FSTL4: variants seen among roughly 807,000 people sequenced by gnomAD.
FSTL4 encodes follistatin-related protein 4.
A neutral mutation model predicts 78.2 loss-of-function variants in FSTL4; 28 were observed. The observed-to-expected ratio is 0.36, with a 90% CI of 0.27 to 0.49. FSTL4 has a LOEUF of 0.49. Among genes scored for constraint, FSTL4 ranks in the 20% least tolerant of loss-of-function variants. The pLI, the probability that FSTL4 is intolerant of heterozygous loss-of-function variation, is 0.98. For synonymous variants in FSTL4, 422 were observed against 440.5 expected (o/e 0.96, Z 0.53); for missense variants, 922 against 1,084.9 (o/e 0.85, Z 2.11).
intron 3 of FSTL4, among the ~76,000 whole-genome samples, chr5:133,535,394 G>A (rs533239969): frequency 2.0e-4 from 30 of 152,352 alleles, no homozygotes; most frequent in Admixed American, 8.5e-4. Context: ...CACCTGGCCC[G>A]CCCAGGGCGG....
chr5:133,246,337 A>G (rs1392416171), intron 7 of FSTL4, among the ~76,000 whole-genome samples: 1 of 152,208 alleles, frequency 6.6e-6, no homozygotes, highest in East Asian at 1.9e-4. Context: ...TCTTGCTTCA[A>G]AAATGCAAGT....
At chr5:133,818,473 C>T in the FSTL4 span, among the ~76,000 whole-genome samples, 1 of 152,318 alleles carries the variant, frequency 6.6e-6, no homozygotes, top group South Asian at 2.1e-4. Context: ...CCGGCTGTGT[C>T]ACTGGGGAAC....
chr5:133,376,370 T>C (rs756594133), intron 4 of FSTL4, among the ~76,000 whole-genome samples: 77 of 152,310 alleles, frequency 5.1e-4, no homozygotes, highest in Admixed American at 6.5e-4. Flanking sequence ...TTGGAATTCA[T>C]GTGAAAAATA....
intron 4 of FSTL4, among the ~76,000 whole-genome samples, chr5:133,353,810 G>C (rs1433055734): frequency 6.6e-6 from 1 of 152,232 alleles, no homozygotes; most frequent in Non-Finnish European, 1.5e-5. Context: ...TTCACCACGG[G>C]CCTCTGGGTT....
chr5:133,544,959 T>G, intron 3 of FSTL4, among the ~76,000 whole-genome samples: 1 of 152,212 alleles, frequency 6.6e-6, no homozygotes, highest in East Asian at 1.9e-4. Flanking sequence ...GGAGACCCAG[T>G]GGTATAATAA....
the FSTL4 span, among the ~76,000 whole-genome samples, chr5:133,643,669 G>T: frequency 6.6e-6 from 1 of 152,192 alleles, no homozygotes; most frequent in Non-Finnish European, 1.5e-5. Flanking sequence ...TGCATAAGCA[G>T]ACAATAAACA....
At chr5:133,432,514 A>G (rs1375331242) in intron 3 of FSTL4, among the ~76,000 whole-genome samples, 3 of 152,208 alleles carry the variant, frequency 2.0e-5, no homozygotes, top group Non-Finnish European at 4.4e-5. Flanking sequence ...TAAGAGTTCG[A>G]GCTGCTATGA....
chr5:133,423,665 G>A (rs1273878934), intron 3 of FSTL4, among the ~76,000 whole-genome samples: 2 of 152,172 alleles, frequency 1.3e-5, no homozygotes, highest in African/African-American at 4.8e-5. Context: ...GTGACGGCAG[G>A]GATGGTGGTG....
intron 4 of FSTL4, among the ~76,000 whole-genome samples, chr5:133,327,224 C>T (rs771783788): frequency 1.3e-4 from 20 of 152,178 alleles, no homozygotes; most frequent in Admixed American, 7.9e-4. Flanking sequence ...GCTGAGGAAA[C>T]GCAACGGTAT....
chr5:133,389,519 CT>C (rs1755788051), intron 4 of FSTL4, among the ~76,000 whole-genome samples: 1 of 152,206 alleles, frequency 6.6e-6, no homozygotes. Flanking sequence ...TCTGACACCC[CT>C]GCCCCTACCC....
intron 4 of FSTL4, among the ~76,000 whole-genome samples, chr5:133,397,564 G>A (rs1454342894): frequency 2.6e-5 from 4 of 152,242 alleles, no homozygotes; most frequent in African/African-American, 7.2e-5. Context: ...TTGTAAATGG[G>A]TTTAGAATGC....
intron 4 of FSTL4, among the ~76,000 whole-genome samples, chr5:133,389,739 G>A (rs896673481): frequency 6.6e-6 from 1 of 152,162 alleles, no homozygotes; most frequent in African/African-American, 2.4e-5. Flanking sequence ...TCTCAGCTAT[G>A]AGGACTCATG....
intron 14 of FSTL4, among the ~76,000 whole-genome samples, chr5:133,202,901 G>C (rs1245129778): frequency 6.6e-6 from 1 of 152,222 alleles, no homozygotes; most frequent in East Asian, 1.9e-4. Flanking sequence ...TCATGTCAGG[G>C]AAGGCACAAT....
intron 4 of FSTL4, among the ~76,000 whole-genome samples, chr5:133,389,065 C>G (rs1221460283): frequency 6.6e-6 from 1 of 152,156 alleles, no homozygotes; most frequent in Non-Finnish European, 1.5e-5. Flanking sequence ...AATTTACAAT[C>G]CCATTTTTTA....
the FSTL4 span, among the ~76,000 whole-genome samples, chr5:133,632,566 G>A: frequency 6.6e-6 from 1 of 152,100 alleles, no homozygotes; most frequent in East Asian, 1.9e-4. Context: ...TTTTATTCCT[G>A]AAGAATATTT....
chr5:133,279,501 G>T (rs1752964511), intron 6 of FSTL4, among the ~76,000 whole-genome samples: 1 of 152,208 alleles, frequency 6.6e-6, no homozygotes, highest in Non-Finnish European at 1.5e-5. Flanking sequence ...CAACAGGTGG[G>T]GCCCAGGAGC....
At chr5:133,252,758 C>T (rs573917112) in intron 6 of FSTL4, among the ~76,000 whole-genome samples, 107 of 152,192 alleles carry the variant, frequency 7.0e-4, no homozygotes, top group African/African-American at 2.6e-3. Context: ...TCATATATTC[C>T]AAGCGGCTCT....
chr5:133,636,342 C>T, the FSTL4 span, among the ~76,000 whole-genome samples: 2 of 152,154 alleles, frequency 1.3e-5, no homozygotes, highest in East Asian at 3.9e-4. Context: ...TGTGGGAATT[C>T]CAAAGTTGTG....
the FSTL4 span, among the ~76,000 whole-genome samples, chr5:133,779,941 G>A: frequency 6.6e-6 from 1 of 152,154 alleles, no homozygotes; most frequent in Admixed American, 6.5e-5. Flanking sequence ...GGATCAGGAG[G>A]GGAAGGAGGC....
Sources: allele counts gnomAD v4.1 joint callset (sites outside exome capture counted in the v4.1 genomes callset), GRCh38; gene constraint gnomAD v4.1.1; transcripts MANE v1.5; gene names NCBI Gene and HGNC (gene_info 2026-07-23, HGNC 2026-07-21).